HMCN2: variants seen among roughly 807,000 people sequenced by gnomAD.
The protein encoded by HMCN2 is hemicentin-2.
In HMCN2, 325 loss-of-function variants were observed where a neutral mutation model predicts 377.5. That is an observed-to-expected ratio of 0.86 (90% CI 0.79 to 0.94). The LOEUF is 0.94. Ranked by LOEUF, HMCN2 falls within the 40% of genes least tolerant of loss-of-function variation. The pLI is 0.00. For synonymous variants in HMCN2, 2,007 were observed against 2,046.8 expected (o/e 0.98, Z 0.53); for missense variants, 4,543 against 4,725.3 (o/e 0.96, Z 1.13).
chr9:130,424,127 A>G (rs1451661206), intron 87 of HMCN2, among the ~76,000 whole-genome samples: 1 of 150,410 alleles, frequency 6.6e-6, no homozygotes, highest in Admixed American at 6.6e-5. Flanking sequence ...ACTATAGGTG[A>G]ATGCCACCAC....
At position 130,396,184 on chromosome 9, in the gene HMCN2, G is replaced by A. The variant is rs1488009723; in HGVS notation, c.11069G>A (p.Arg3690Gln). 7 of 1,271,108 alleles carry A rather than the reference G, an allele frequency of 5.5e-6. No homozygotes were observed. Among genetic ancestry groups the A allele is most frequent in the East Asian group, 1.2e-4 (2 of 17,154 alleles). 78.7% of individuals were successfully genotyped at this position (1,271,108 alleles called of 1,614,324 possible). Reference protein sequence around the residue: ...RVEIHTVPTIRSGPPAVNVSV... With the variant: ...RVEIHTVPTIQSGPPAVNVSV... ...CCCTCCCCAGCGGTGCCCACCATCCGGTCAGGACCACCTGCAGTGAACGTC... is the reference window on the plus strand; with the variant it reads ...CCCTCCCCAGCGGTGCCCACCATCCAGTCAGGACCACCTGCAGTGAACGTC... The change falls in exon 73 of 98, where the codon CGG becomes CAG. Residue 3690 changes from arginine to glutamine, a missense_variant. Around this residue, in one of 5 missense-constraint regions of HMCN2, gnomAD observed 1,073 missense variants for 1,319.5 expected, o/e 0.81. Transcript: ENST00000683500.
chr9:130,395,930 G>C lies in HMCN2; in HGVS notation c.10918G>C (p.Ala3640Pro). The C allele has an allele frequency of 7.8e-7, 1 of 1,286,960 alleles. No individual in the cohort carries two copies. The highest frequency in any genetic ancestry group is 3.3e-4 in the Middle Eastern group (1 of 3,068). The allele number at this position is 1,286,960 out of a possible 1,614,324, so 79.7% of individuals were successfully genotyped here. A position where few individuals can be genotyped will look rare whatever the true frequency, so the allele number is the denominator to read the frequency against. Reference sequence around the variant, plus strand: ...CCCTGGCGGGGCTCTCCAGGAGGACGCCCACACACAATTCCCGGAGCGGGG... The same window carrying C: ...CCCTGGCGGGGCTCTCCAGGAGGACCCCCACACACAATTCCCGGAGCGGGG... ...HRDGIVLQED[A>P]HTQFPERGRF... The change falls in exon 72 of 98, where the codon GCC becomes CCC. Residue 3640 changes from alanine (A) to proline (P), a missense_variant. By Grantham distance (27) the Ala-to-Pro change is conservative. Transcript: ENST00000683500.
intron 54 of HMCN2, among the ~76,000 whole-genome samples, chr9:130,381,877 A>G (rs1841739846): frequency 6.6e-6 from 1 of 152,280 alleles, no homozygotes; most frequent in South Asian, 2.1e-4. Flanking sequence ...CACCCCCAGC[A>G]CTGCCATGAA....
At chr9:130,368,848 G>A (rs1400941393) in intron 44 of HMCN2, among the ~76,000 whole-genome samples, 1 of 152,076 alleles carries the variant, frequency 6.6e-6, no homozygotes, top group African/African-American at 2.4e-5. Flanking sequence ...AGGGGAAACC[G>A]CCCAGATGAT....
chr9:130,267,947 A>G (rs1834213548), intron 1 of HMCN2, among the ~76,000 whole-genome samples: 1 of 152,214 alleles, frequency 6.6e-6, no homozygotes. Context: ...CGAAGACATC[A>G]CACTGAAGGA....
chr9:130,352,001 G>A (rs1839752482), intron 30 of HMCN2, among the ~76,000 whole-genome samples: 1 of 151,920 alleles, frequency 6.6e-6, no homozygotes, highest in South Asian at 2.1e-4. Context: ...TAGTAGAGGT[G>A]GGGTTTCACC....
intron 49 of HMCN2, among the ~76,000 whole-genome samples, chr9:130,375,241 C>T (rs1315790850): frequency 1.3e-5 from 2 of 152,212 alleles, no homozygotes; most frequent in African/African-American, 4.8e-5. Flanking sequence ...CTCCCACTCC[C>T]CCCTCAAACA....
At position 130,425,738 on chromosome 9, in the gene HMCN2, T is replaced by G; in HGVS notation, c.13693T>G (p.Ser4565Ala). 1.3e-6 allele frequency: 2 copies of G among 1,547,366 alleles called. No homozygotes were observed. The highest frequency in any genetic ancestry group is 2.4e-5 in the South Asian group (2 of 83,978). ...QTGPGQLFVG[S>A]TQRFFQGGLP... ...AGGGCCTGGCCAGCTGTTCGTGGGCTCCACACAGCGCTTCTTCCAGGGCGG... is the reference window on the plus strand; with the variant it reads ...AGGGCCTGGCCAGCTGTTCGTGGGCGCCACACAGCGCTTCTTCCAGGGCGG... The change falls in exon 90 of 98, where the codon TCC becomes GCC. Residue 4565 changes from serine to alanine, a missense_variant. Ser to Ala is a moderately conservative substitution (Grantham distance 99). This residue lies in a region of HMCN2 where 1,155 missense variants were observed against 1,157.7 expected (regional missense o/e 1.00). Transcript: ENST00000683500.
intron 16 of HMCN2, among the ~76,000 whole-genome samples, chr9:130,320,029 T>C (rs1837763247): frequency 6.6e-6 from 1 of 152,148 alleles, no homozygotes; most frequent in Non-Finnish European, 1.5e-5. Context: ...TTACCATAAT[T>C]ACTACTGCGC....
In HMCN2 at chr9:130,432,454, C is replaced by T; in HGVS notation, c.14793C>T (p.Ser4931=). Residue 4931 remains serine (S), a synonymous_variant, in exon 97 of 98, where the codon AGC becomes AGT. Coordinates refer to ENST00000683500, the MANE Select transcript of HMCN2 (RefSeq NM_001291815.2). ...ACATCAACGAGTGCGAGGAGGAGAG[C>T]ATCGAGTGTGGACCCGGCCAGATGT... ...CQDINECEEE[S]IECGPGQMCF... 1 of 1,551,066 alleles carries T rather than the reference C, an allele frequency of 6.4e-7. No homozygotes were observed. Among genetic ancestry groups the T allele is most frequent in the Non-Finnish European group, 8.7e-7 (1 of 1,147,090 alleles).
chr9:130,424,774 AG>A lies in HMCN2; in HGVS notation c.13383del. 1.3e-6 allele frequency: 2 copies of A among 1,534,876 alleles called. No individual in the cohort carries two copies. The highest frequency in any genetic ancestry group is 1.8e-6 in the Non-Finnish European group (2 of 1,138,848). ...CCGGCCTCTATGCCCTGCCCCACCC[AG>A]GGCCTCTGATGCGGGTGCTCGTGGT... On this transcript the variant is annotated splice_acceptor_variant, in intron 87 of 97. Transcript: ENST00000683500. LOFTEE classifies it high-confidence loss of function.
At chr9:130,310,878 C>T (rs1837211163) in intron 15 of HMCN2, among the ~76,000 whole-genome samples, 4 of 152,324 alleles carry the variant, frequency 2.6e-5, no homozygotes, top group African/African-American at 7.2e-5. Flanking sequence ...GACTGTACTA[C>T]TCCCCTCCTT....
rs1835187403 is a variant in HMCN2 at position 130,282,659 on chromosome 9, A to G, written c.260-1944A>G. ...TCGATCATTGTGAGGCATGCTGGAT[A>G]ATTCTACAGGCTTTCCTTTCTAAGA... On this transcript the variant is annotated intron_variant, in intron 1 of 97. Coordinates refer to ENST00000683500, the MANE Select transcript of HMCN2 (RefSeq NM_001291815.2). Among the ~76,000 whole-genome samples the G allele has an allele frequency of 1.3e-5, 2 of 152,220 alleles. 1 individual carries two copies. Among genetic ancestry groups the G allele is most frequent in the African/African-American group, 4.8e-5 (2 of 41,458 alleles).
chr9:130,400,750 C>A (rs200235852), intron 76 of HMCN2, 33 bp from the exon 77 acceptor site: 1 of 1,262,382 alleles, frequency 7.9e-7, no homozygotes, highest in East Asian at 5.8e-5. Context: ...CTGTGCCCGC[C>A]GGCAGGGCCT....
At chr9:130,417,690 A>G (rs888065631) in intron 85 of HMCN2, among the ~76,000 whole-genome samples, 1 of 152,108 alleles carries the variant, frequency 6.6e-6, no homozygotes, top group Admixed American at 6.5e-5. Context: ...GAGGTGAGGA[A>G]TGGGCTCTCC....
chr9:130,406,531 G>A (rs1843101434), intron 82 of HMCN2: 1 of 266,770 alleles, frequency 3.7e-6, no homozygotes, highest in Admixed American at 4.8e-5. Flanking sequence ...GGAAACCCAG[G>A]TGATGTCTAG....
chr9:130,429,417 G>T, intron 93 of HMCN2, 140 bp from the exon 94 acceptor site: 1 of 1,015,034 alleles, frequency 9.9e-7, no homozygotes, highest in Non-Finnish European at 1.4e-6. Flanking sequence ...GTGCTGTGAG[G>T]GCGGCCATGC....
chr9:130,355,101 T>C, intron 32 of HMCN2, 57 bp downstream of exon 32: 1 of 1,198,864 alleles, frequency 8.3e-7, no homozygotes, highest in Non-Finnish European at 1.1e-6. Context: ...TGCCCAGGCC[T>C]GCTGCGTGCT....
chr9:130,427,210 G>C, intron 90 of HMCN2, 103 bp from the exon 91 acceptor site: 3 of 1,248,228 alleles, frequency 2.4e-6, no homozygotes, highest in Non-Finnish European at 2.3e-6. Flanking sequence ...GGCTCTGCCT[G>C]GCTAAGCTGG....
Sources: allele counts gnomAD v4.1 joint callset (sites outside exome capture counted in the v4.1 genomes callset), GRCh38; gene constraint gnomAD v4.1.1; regional missense constraint gnomAD v4.1.1; transcripts MANE v1.5; gene names NCBI Gene and HGNC (gene_info 2026-07-23, HGNC 2026-07-21).